Variants in PCDHGB4 observed in about 807,000 individuals in gnomAD.
PCDHGB4 encodes the protein protocadherin gamma-B4.
A neutral mutation model predicts 60.5 loss-of-function variants in PCDHGB4; 38 were observed. The ratio of observed to expected loss-of-function variants is 0.63; its 90% CI spans 0.48 to 0.82. The LOEUF is 0.82. Among genes scored for constraint, PCDHGB4 ranks in the 40% least tolerant of loss-of-function variants. PCDHGB4 has a pLI of 0.00. For missense variants in PCDHGB4, 1,109 were observed against 1,209.6 expected (o/e 0.92, Z 1.23); for synonymous variants, 456 against 509.7 (o/e 0.89, Z 1.42).
chr5:141,473,382 C>A (rs780229708), intron 1 of PCDHGB4, among the ~76,000 whole-genome samples: 12 of 152,190 alleles, frequency 7.9e-5, no homozygotes, highest in Non-Finnish European at 1.8e-4. Context: ...TGGTCCCTGC[C>A]CTCCTGGAGC....
intron 1 of PCDHGB4, chr5:141,419,781 G>T: frequency 6.2e-7 from 1 of 1,614,032 alleles, no homozygotes; most frequent in Non-Finnish European, 8.5e-7. Context: ...GTCCGCCAGC[G>T]CCTGCTAGTC....
At chr5:141,453,046 T>C (rs1561950003) in intron 1 of PCDHGB4, among the ~76,000 whole-genome samples, 1 of 152,186 alleles carries the variant, frequency 6.6e-6, no homozygotes, top group Non-Finnish European at 1.5e-5. Context: ...GTTTCTATTA[T>C]GTGCAGTTTT....
At chr5:141,430,928 C>A in intron 1 of PCDHGB4, 1 of 1,607,098 alleles carries the variant, frequency 6.2e-7, no homozygotes, top group Non-Finnish European at 8.5e-7. Context: ...GCTGGAGCCC[C>A]GGGAGCTCGC....
At chr5:141,401,016 A>G (rs910501602) in intron 1 of PCDHGB4, among the ~76,000 whole-genome samples, 2 of 152,182 alleles carry the variant, frequency 1.3e-5, no homozygotes, top group Admixed American at 6.5e-5. Context: ...TAATGGATTT[A>G]TGATTTTTTG....
Position 141,432,403 on chromosome 5 carries a change from G to A in PCDHGB4, c.2397+42122G>A, listed in dbSNP as rs1279890312. The A allele has an allele frequency of 6.2e-7, 1 of 1,614,242 alleles. No homozygotes were observed. The highest frequency in any genetic ancestry group is 8.5e-7 in the Non-Finnish European group (1 of 1,180,052). On this transcript the variant is annotated intron_variant, in intron 1 of 3. Coordinates refer to ENST00000519479, the MANE Select transcript of PCDHGB4 (RefSeq NM_003736.4). The surrounding 1 kb of genome is among the most constrained non-coding windows in gnomAD (Gnocchi z 6.0). ...CGCCCCTCAGCAGCAACGTGTCGTT[G>A]AGCCTGTTCGTGCTGGACCAGAACG...
At chr5:141,508,576 C>A (rs1437398161) in intron 3 of PCDHGB4, among the ~76,000 whole-genome samples, 1 of 152,136 alleles carries the variant, frequency 6.6e-6, no homozygotes, top group African/African-American at 2.4e-5. Flanking sequence ...TGCACCCACT[C>A]GGGGTGCTAC....
At chr5:141,426,487 G>A (rs999549044) in intron 1 of PCDHGB4, 2 of 333,788 alleles carry the variant, frequency 6.0e-6, no homozygotes, top group African/African-American at 4.3e-5. Context: ...AAACCTTAGA[G>A]TTAGTGCAGA....
At chr5:141,412,948 G>A in intron 1 of PCDHGB4, 1 of 468,334 alleles carries the variant, frequency 2.1e-6, no homozygotes, top group Non-Finnish European at 3.7e-6. Context: ...TCTGAGCGCC[G>A]CTGTTCACCT....
Position 141,491,902 on chromosome 5 carries a change from G to C in PCDHGB4, c.2398-2905G>C. On this transcript the variant is annotated intron_variant, in intron 1 of 3. Transcript: ENST00000519479. This position sits in a 1 kb window ranked among gnomAD's most constrained non-coding sequence, Gnocchi z 6.9. ...AGGGATGGGGCTCCGAGCACCGGGG[G>C]TGGTGGCGACTGTGGGCGAGGGGAG... 7.0e-7 allele frequency: 1 copy of C among 1,429,002 alleles called. No individual in the cohort carries two copies. Among genetic ancestry groups the C allele is most frequent in the Non-Finnish European group, 9.3e-7 (1 of 1,079,426 alleles). The allele number at this position is 1,429,002 out of a possible 1,614,324, so 88.5% of individuals were successfully genotyped here. A position where few individuals can be genotyped will look rare whatever the true frequency, so the allele number is the denominator to read the frequency against.
At chr5:141,395,558 G>T (rs60237573) in intron 1 of PCDHGB4, 12 of 127,934 alleles carry the variant, frequency 9.4e-5, no homozygotes, top group African/African-American at 5.1e-4. Context: ...GTGTGTGTGT[G>T]TGTGTGTGTG....
chr5:141,420,846 T>C (rs2096528755), intron 1 of PCDHGB4, among the ~76,000 whole-genome samples: 1 of 152,252 alleles, frequency 6.6e-6, no homozygotes, highest in Non-Finnish European at 1.5e-5. Context: ...GTGTTCTTGG[T>C]AAAGTTTTAA....
chr5:141,499,635 A>C (rs578081078), intron 2 of PCDHGB4, among the ~76,000 whole-genome samples: 16 of 152,136 alleles, frequency 1.1e-4, no homozygotes, highest in African/African-American at 3.6e-4. Context: ...CTTTTGAAGC[A>C]AATCTCAGAC....
intron 1 of PCDHGB4, among the ~76,000 whole-genome samples, chr5:141,467,039 A>G (rs1467529268): frequency 2.6e-5 from 4 of 150,960 alleles, no homozygotes; most frequent in Non-Finnish European, 5.9e-5. Context: ...TTTTTTGTGT[A>G]ATGAATCAAT....
chr5:141,439,680 A>T (rs1478261632), intron 1 of PCDHGB4, among the ~76,000 whole-genome samples: 1 of 152,236 alleles, frequency 6.6e-6, no homozygotes, highest in African/African-American at 2.4e-5. Context: ...ATCCAAGAGC[A>T]GACCCACAAC....
intron 1 of PCDHGB4, among the ~76,000 whole-genome samples, chr5:141,482,435 A>G (rs2099559555): frequency 6.6e-6 from 1 of 150,568 alleles, no homozygotes; most frequent in South Asian, 2.1e-4. Flanking sequence ...GATAATACTG[A>G]TATTCACCAT....
rs112078596 is a variant in PCDHGB4, at chr5:141,490,350, G to A, written c.2398-4457G>A. ...GCACACCAGTGGGCACAGTAGTGGG[G>A]TTGTTTAATGTGCGAGACCGGGACT... On this transcript the variant is annotated intron_variant, in intron 1 of 3. Coordinates refer to ENST00000519479, the MANE Select transcript of PCDHGB4 (RefSeq NM_003736.4). The surrounding 1 kb of genome is among the most constrained non-coding windows in gnomAD (Gnocchi z 5.4). 3.5e-5 allele frequency: 57 copies of A among 1,614,086 alleles called. No homozygotes were observed. The highest frequency in any genetic ancestry group is 4.6e-5 in the Non-Finnish European group (54 of 1,180,042).
At chr5:141,410,058 T>C in intron 1 of PCDHGB4, 1 of 1,613,016 alleles carries the variant, frequency 6.2e-7, no homozygotes, top group Non-Finnish European at 8.5e-7. Context: ...CTCTTCAGCC[T>C]GGGGCTGCGC....
At chr5:141,482,852 A>G (rs1237049208) in intron 1 of PCDHGB4, among the ~76,000 whole-genome samples, 1 of 144,420 alleles carries the variant, frequency 6.9e-6, no homozygotes, top group Non-Finnish European at 1.5e-5. Flanking sequence ...TGGGCAGATC[A>G]CTTGAGGTCA....
intron 1 of PCDHGB4, chr5:141,392,823 C>A: frequency 6.3e-7 from 1 of 1,599,890 alleles, no homozygotes; most frequent in Non-Finnish European, 8.5e-7. Flanking sequence ...AATGGCCGCT[C>A]CACAGAGTCG....
Sources: gnomAD v4.1 joint callset for allele counts (sites outside exome capture counted in the v4.1 genomes callset) on GRCh38, gnomAD v4.1.1 for gene constraint, Gnocchi (gnomAD v3.1) non-coding constraint, MANE v1.5 for transcripts, NCBI Gene and HGNC (gene_info 2026-07-23, HGNC 2026-07-21) for gene names.